The following MPP3 variants were observed in gnomAD, a reference collection of about 807,000 sequenced individuals.
MPP3 encodes the protein MAGUK p55 scaffold protein 3.
Under a neutral mutation model 80.7 loss-of-function variants are expected in MPP3, and 48 were observed. That is an observed-to-expected ratio of 0.59 (90% confidence interval 0.47 to 0.76). The LOEUF (loss-of-function observed/expected upper bound fraction) is 0.76. Ranked by LOEUF, MPP3 falls within the 30% of genes least tolerant of loss-of-function variation. The pLI is 0.00. For missense variants in MPP3, 620 were observed against 763.0 expected (o/e 0.81, Z 2.21); for synonymous variants, 311 against 297.6 (o/e 1.04, Z -0.46).
chr17:43,828,313 G>C (rs368929010), intron 7 of MPP3, among the ~76,000 whole-genome samples: 1 of 152,152 alleles, frequency 6.6e-6, no homozygotes, highest in East Asian at 1.9e-4. Flanking sequence ...CCAGGGCTTC[G>C]GGACCAGGAC....
At chr17:43,813,925 G>T in intron 16 of MPP3, 86 bp downstream of exon 16, 2 of 1,129,956 alleles carry the variant, frequency 1.8e-6, no homozygotes, top group Non-Finnish European at 2.5e-6. Context: ...CCAAAGTAAG[G>T]ATTTGGATGG....
intron 8 of MPP3, among the ~76,000 whole-genome samples, chr17:43,827,329 CTTT>C (rs1197926220): frequency 1.0e-5 from 1 of 99,006 alleles, no homozygotes; most frequent in Non-Finnish European, 2.0e-5. Context: ...TTTTTTTTTT[CTTT>C]TTTTTTTTTT....
intron 16 of MPP3, 48 bp from the exon 17 acceptor site, chr17:43,811,253 C>T (rs1332544184): frequency 1.4e-6 from 2 of 1,438,394 alleles, no homozygotes; most frequent in Non-Finnish European, 2.0e-6. Flanking sequence ...CACATCACAG[C>T]ACGCAGGGAC....
intron 12 of MPP3, 166 bp downstream of exon 12, chr17:43,817,880 G>T (rs1175410391): frequency 4.5e-6 from 2 of 448,442 alleles, no homozygotes; most frequent in South Asian, 3.1e-5. Context: ...GGGACTAGCT[G>T]CCCCCCACCT....
chr17:43,827,755 C>A lies in MPP3; in HGVS notation c.519G>T (p.Arg173Ser). 1 of 1,611,278 alleles carries A rather than the reference C, an allele frequency of 6.2e-7. No homozygotes were observed. Among genetic ancestry groups the A allele is most frequent in the African/African-American group, 1.3e-5 (1 of 75,056 alleles). The change falls in exon 8 of 20, where the codon AGG (arginine) becomes AGT (serine). Residue 173 changes from arginine to serine, a missense_variant. Physicochemically the swap from Arg to Ser is moderately radical, Grantham distance 110 (BLOSUM62 -1). Coordinates refer to ENST00000398389, the MANE Select transcript of MPP3 (RefSeq NM_001932.6). ...ARIMRGGAAD[R>S]SGLVHVGDEL... ...CTTTGCACTGCCGCCACTCACCGCT[C>A]CTGTCTGCTGCGCCTCCTCGCATGA...
chr17:43,829,978 A>AT, intron 6 of MPP3, 49 bp downstream of exon 6: 1 of 1,588,728 alleles, frequency 6.3e-7, no homozygotes, highest in Non-Finnish European at 8.6e-7. Context: ...CTCCGCCCCC[A>AT]TCCCAGGAGA....
chr17:43,831,725 C>A, intron 3 of MPP3, 48 bp from the exon 4 acceptor site: 1 of 1,522,584 alleles, frequency 6.6e-7, no homozygotes, highest in Non-Finnish European at 9.0e-7. Context: ...AGTGGGTGCT[C>A]CCTGCCCCCG....
chr17:43,807,053 G>T (rs1249359826), intron 19 of MPP3, among the ~76,000 whole-genome samples: 8 of 150,794 alleles, frequency 5.3e-5, no homozygotes, highest in African/African-American at 9.8e-5. Flanking sequence ...CTCACTGCAG[G>T]CTCTGCCTCC....
intron 8 of MPP3, 45 bp from the exon 9 acceptor site, chr17:43,825,886 A>G (rs1598360264): frequency 8.1e-7 from 1 of 1,229,070 alleles, no homozygotes; most frequent in African/African-American, 1.5e-5. Context: ...GGAGGACCTG[A>G]GCACCCCTCG....
Position 43,809,017 on chromosome 17 carries a change from A to C in MPP3, c.1520T>G (p.Ile507Ser). ...KPYIIFVKPA[I>S]QEKRKTPPMS... is the part of the protein sequence containing the mutation. ...AGGTGGCGTTTTTCTTTTTTCCTGA[A>C]TTGCAGGCTTTACAAATATAATATA... Residue 507 changes from isoleucine (I) to serine (S), a missense_variant, in exon 19 of 20, where the codon ATT becomes AGT. Transcript: ENST00000398389. 1 of 1,611,302 alleles carries C rather than the reference A, an allele frequency of 6.2e-7. No individual in the cohort carries two copies. The highest frequency in any genetic ancestry group is 8.5e-7 in the Non-Finnish European group (1 of 1,179,378).
intron 9 of MPP3, 166 bp downstream of exon 9, chr17:43,825,590 C>T: frequency 1.7e-6 from 1 of 579,568 alleles, no homozygotes; most frequent in Non-Finnish European, 3.1e-6. Flanking sequence ...CCTGCTGCCA[C>T]CCCATACCCC....
chr17:43,805,399 G>GA (rs2044575975), intron 19 of MPP3, among the ~76,000 whole-genome samples: 1 of 152,124 alleles, frequency 6.6e-6, no homozygotes, highest in Non-Finnish European at 1.5e-5. Context: ...AGCTGCCATG[G>GA]TAGAGTTAAA....
At chr17:43,805,707 G>A (rs1044514617) in intron 19 of MPP3, among the ~76,000 whole-genome samples, 3 of 152,204 alleles carry the variant, frequency 2.0e-5, no homozygotes, top group Non-Finnish European at 4.4e-5. Context: ...TACATTGCAT[G>A]AATCCATTTA....
intron 19 of MPP3, among the ~76,000 whole-genome samples, chr17:43,808,130 A>T (rs2044697505): frequency 6.6e-6 from 1 of 152,238 alleles, no homozygotes; most frequent in African/African-American, 2.4e-5. Context: ...CAACGTGGAC[A>T]GTTAAAACTG....
Position 43,831,646 on chromosome 17 carries a change from G to A in MPP3, c.57C>T (p.Ser19=). 6.2e-7 allele frequency: 1 copy of A among 1,613,260 alleles called. No individual in the cohort carries two copies. The highest frequency in any genetic ancestry group is 8.5e-7 in the Non-Finnish European group (1 of 1,179,414). Residue 19 remains serine, a synonymous_variant, in exon 4 of 20, where the codon TCC becomes TCT. Transcript: ENST00000398389. ...TGTGGTTGGAGTCAGGTCTGAGCTG[G>A]GAGGTCAGCAGGGCCAGGGTTTCAT... is the stretch of plus-strand genomic sequence containing the variant. ...GLHETLALLT[S]QLRPDSNHKE...
At chr17:43,817,008 G>A (rs1449932961) in intron 12 of MPP3, among the ~76,000 whole-genome samples, 2 of 152,220 alleles carry the variant, frequency 1.3e-5, no homozygotes, top group African/African-American at 4.8e-5. Flanking sequence ...GGCCCAGGGA[G>A]CAGCTTACTC....
intron 18 of MPP3, among the ~76,000 whole-genome samples, 161 bp downstream of exon 18, chr17:43,810,646 A>G (rs1440670979): frequency 6.6e-6 from 1 of 152,216 alleles, no homozygotes. Flanking sequence ...TTTGGGGTAC[A>G]AGGCTTTCAT....
At chr17:43,811,938 A>G (rs1392919034) in intron 16 of MPP3, among the ~76,000 whole-genome samples, 1 of 152,190 alleles carries the variant, frequency 6.6e-6, no homozygotes, top group Non-Finnish European at 1.5e-5. Flanking sequence ...CCTAGTCCTA[A>G]CTTTTAATTC....
At chr17:43,825,917 A>G (rs1598360314) in intron 8 of MPP3, 76 bp from the exon 9 acceptor site, 2 of 941,922 alleles carry the variant, frequency 2.1e-6, no homozygotes, top group African/African-American at 1.6e-5. Context: ...CAAGCACCAC[A>G]GGGGCCGGCC....
Sources: allele counts gnomAD v4.1 joint callset (sites outside exome capture counted in the v4.1 genomes callset), GRCh38; gene constraint gnomAD v4.1.1; transcripts MANE v1.5; gene names NCBI Gene and HGNC (gene_info 2026-07-23, HGNC 2026-07-21).